Variants in PSD3 observed in about 807,000 individuals in gnomAD.
PSD3 encodes the protein pleckstrin and Sec7 domain containing 3.
Under a neutral mutation model 105.5 loss-of-function variants are expected in PSD3, and 49 were observed. The observed-to-expected ratio is 0.46, with a 90% CI of 0.37 to 0.59. The LOEUF (loss-of-function observed/expected upper bound fraction) is 0.59, where lower values mean the gene tolerates loss of function less well. Ranked by LOEUF, PSD3 falls within the 20% of genes least tolerant of loss-of-function variation. PSD3 has a pLI of 0.00. For synonymous variants in PSD3, 557 were observed against 457.8 expected, an observed-to-expected ratio of 1.22 and a Z score of -2.77; for missense variants, 1,561 against 1,263.8, an observed-to-expected ratio of 1.24 and a Z score of -3.57.
chr8:18,551,290 C>T (rs1218123516), intron 15 of PSD3, among the ~76,000 whole-genome samples: 1 of 152,182 alleles, frequency 6.6e-6, no homozygotes, highest in Non-Finnish European at 1.5e-5. Context: ...CTACCCAACG[C>T]TACTGACTAT....
At chr8:18,947,474 GTGTGAAAGACGCT>G in intron 1 of PSD3, among the ~76,000 whole-genome samples, 1 of 152,286 alleles carries the variant, frequency 6.6e-6, no homozygotes, top group Middle Eastern at 3.4e-3. Flanking sequence ...TCCATTTCCA[GTGTGAAAGACGCT>G]CCCCTGGGAC....
Position 18,804,811 on chromosome 8 carries a change from G to A in PSD3, c.1722C>T (p.Leu574=), listed in dbSNP as rs1397063766. The change falls in exon 5 of 16, where the codon CTC becomes CTT. Residue 574 remains leucine (L), a synonymous_variant. Coordinates refer to ENST00000327040, the MANE Select transcript of PSD3 (RefSeq NM_015310.4). ...CCACATTGCTGCTGGTACCATTACT[G>A]AGATTTTCTGGGGTCTCCTTTTCCA... ...EILEKETPEN[L]SNGTSSNVEA... 1 of 1,614,048 alleles carries A rather than the reference G, an allele frequency of 6.2e-7. No homozygotes were observed. Among genetic ancestry groups the A allele is most frequent in the Admixed American group, 1.7e-5 (1 of 60,018 alleles).
At chr8:18,738,590 A>G (rs1291085341) in intron 9 of PSD3, among the ~76,000 whole-genome samples, 2 of 152,216 alleles carry the variant, frequency 1.3e-5, no homozygotes, top group African/African-American at 4.8e-5. Flanking sequence ...TACAGTAATC[A>G]TTATCAGAAA....
chr8:18,996,856 A>G (rs563317096), intron 1 of PSD3, among the ~76,000 whole-genome samples: 9 of 151,896 alleles, frequency 5.9e-5, no homozygotes, highest in Non-Finnish European at 1.2e-4. Context: ...TTGGTTATCA[A>G]CCTCAGCAAT....
intron 1 of PSD3, among the ~76,000 whole-genome samples, chr8:18,999,145 C>G (rs1026263667): frequency 1.3e-5 from 2 of 151,970 alleles, no homozygotes. Context: ...GAAAGAATGT[C>G]CTAATGTCTC....
intron 9 of PSD3, among the ~76,000 whole-genome samples, chr8:18,758,061 A>T (rs1029079480): frequency 1.3e-5 from 2 of 152,176 alleles, no homozygotes; most frequent in African/African-American, 4.8e-5. Flanking sequence ...GGCAGTTGTA[A>T]GAAAAGAACA....
chr8:19,065,240 A>C (rs182389893), intron 1 of PSD3, among the ~76,000 whole-genome samples: 3 of 152,154 alleles, frequency 2.0e-5, no homozygotes, highest in African/African-American at 7.2e-5. Context: ...TGCTCTTACC[A>C]TAACAATAAT....
At chr8:18,699,046 G>A (rs1417594567) in intron 9 of PSD3, among the ~76,000 whole-genome samples, 1 of 152,166 alleles carries the variant, frequency 6.6e-6, no homozygotes, top group African/African-American at 2.4e-5. Flanking sequence ...TGGCAGAGAT[G>A]CCTGTTTGTC....
chr8:19,071,047 CTCTT>C (rs1006364578), intron 1 of PSD3, among the ~76,000 whole-genome samples: 2 of 151,760 alleles, frequency 1.3e-5, no homozygotes, highest in African/African-American at 2.4e-5. Context: ...GCTCTCCTCT[CTCTT>C]TCTTTTTTTT....
chr8:18,788,072 C>T (rs185325423), intron 8 of PSD3, among the ~76,000 whole-genome samples: 3 of 152,168 alleles, frequency 2.0e-5, no homozygotes, highest in Admixed American at 6.5e-5. Flanking sequence ...AGAAACAAGC[C>T]CCAGATGGAT....
chr8:18,611,687 A>C (rs1805278341), intron 11 of PSD3, among the ~76,000 whole-genome samples: 1 of 152,074 alleles, frequency 6.6e-6, no homozygotes. Flanking sequence ...TTCTGTGAAA[A>C]TAAGCTGTGA....
intron 9 of PSD3, among the ~76,000 whole-genome samples, chr8:18,663,518 G>A (rs1809508046): frequency 6.6e-6 from 1 of 151,566 alleles, no homozygotes; most frequent in Non-Finnish European, 1.5e-5. Flanking sequence ...TTTTACTAAT[G>A]TGTGTATGCA....
intron 9 of PSD3, among the ~76,000 whole-genome samples, chr8:18,668,731 AAGTC>A (rs764465605): frequency 6.6e-6 from 1 of 152,192 alleles, no homozygotes; most frequent in Non-Finnish European, 1.5e-5. Flanking sequence ...ACATACTTTA[AAGTC>A]AGTATTATGT....
At chr8:18,669,067 A>T (rs185102320) in intron 9 of PSD3, among the ~76,000 whole-genome samples, 1 of 152,220 alleles carries the variant, frequency 6.6e-6, no homozygotes, top group Non-Finnish European at 1.5e-5. Flanking sequence ...ATCACTGACT[A>T]TTTATAACTT....
intron 1 of PSD3, among the ~76,000 whole-genome samples, chr8:18,937,720 T>G (rs565013166): frequency 6.6e-6 from 1 of 152,244 alleles, no homozygotes; most frequent in South Asian, 2.1e-4. Context: ...TTTTCCCCAA[T>G]AGAGAGGAAA....
At chr8:19,075,760 C>T (rs1464048674) in intron 1 of PSD3, among the ~76,000 whole-genome samples, 2 of 152,110 alleles carry the variant, frequency 1.3e-5, no homozygotes, top group African/African-American at 4.8e-5. Context: ...GTGTTTCATG[C>T]CGTATGTTTC....
At chr8:19,033,541 T>C (rs1429997224) in intron 1 of PSD3, among the ~76,000 whole-genome samples, 1 of 147,648 alleles carries the variant, frequency 6.8e-6, no homozygotes, top group Admixed American at 6.8e-5. Context: ...TTTGAGCTCT[T>C]TTTTTTTTCT....
rs1246360541 is a variant in PSD3, at chr8:18,531,114, A to G, written c.*4629T>C. 1 of 152,572 alleles carries G rather than the reference A, an allele frequency of 6.6e-6. No homozygotes were observed. Among genetic ancestry groups the G allele is most frequent in the Non-Finnish European group, 1.5e-5 (1 of 68,002 alleles). 9.5% of individuals were successfully genotyped at this position (152,572 alleles called of 1,614,324 possible). On this transcript the variant is annotated 3_prime_UTR_variant, in exon 16 of 16. Coordinates refer to ENST00000327040, the MANE Select transcript of PSD3 (RefSeq NM_015310.4). ...CAGCATTTTCTTTGATGACTGACATACTGCCTGTAAGAATAGTCTCCAAAA... is the reference window on the plus strand; with the variant it reads ...CAGCATTTTCTTTGATGACTGACATGCTGCCTGTAAGAATAGTCTCCAAAA...
intron 2 of PSD3, among the ~76,000 whole-genome samples, chr8:18,895,935 C>G (rs1295111989): frequency 1.3e-5 from 2 of 152,154 alleles, no homozygotes; most frequent in African/African-American, 4.8e-5. Context: ...ATCCTGTATC[C>G]GTTAACTAAC....
Sources: gnomAD v4.1 joint callset for allele counts (sites outside exome capture counted in the v4.1 genomes callset) on GRCh38, gnomAD v4.1.1 for gene constraint, MANE v1.5 for transcripts, NCBI Gene and HGNC (gene_info 2026-07-23, HGNC 2026-07-21) for gene names.